The following L3MBTL4 variants were observed in gnomAD, a reference collection of about 807,000 sequenced individuals.
L3MBTL4 encodes the protein L3MBTL histone methyl-lysine binding protein 4.
A neutral mutation model predicts 84.5 loss-of-function variants in L3MBTL4; 70 were observed. The observed-to-expected ratio is 0.83, with a 90% confidence interval of 0.68 to 1.01. L3MBTL4 has a LOEUF of 1.01. L3MBTL4 is among the 50% of genes least tolerant of loss of function. The pLI, the probability that L3MBTL4 is intolerant of heterozygous loss-of-function variation, is 0.00. For synonymous variants in L3MBTL4, 274 were observed against 259.8 expected, an observed-to-expected ratio of 1.05 and a Z score of -0.52; for missense variants, 715 against 754.8, an observed-to-expected ratio of 0.95 and a Z score of 0.62.
At position 6,295,354 on chromosome 18, in the gene L3MBTL4, A is replaced by C. The variant is rs1285069280; in HGVS notation, c.127+6549T>G. Among the ~76,000 whole-genome samples, 708 of 134,920 alleles carry C rather than the reference A, an allele frequency of 5.2e-3. 1 individual carries two copies. The highest frequency in any genetic ancestry group is 8.2e-3 in the Admixed American group (108 of 13,244). The allele number at this position is 134,920 out of a possible 152,430, so 88.5% of individuals were successfully genotyped here. On this transcript the variant is annotated intron_variant, in intron 4 of 18. Coordinates refer to ENST00000317931, the MANE Select transcript of L3MBTL4 (RefSeq NM_001330559.2). ...TCTCTCTCTCTCTCTCTCTATATATATATATATATATATATATACAGCCTT... is the reference window on the plus strand; with the variant it reads ...TCTCTCTCTCTCTCTCTCTATATATCTATATATATATATATATACAGCCTT...
At chr18:6,164,742 GA>G (rs759260489) in intron 13 of L3MBTL4, among the ~76,000 whole-genome samples, 2 of 152,168 alleles carry the variant, frequency 1.3e-5, no homozygotes, top group African/African-American at 2.4e-5. Flanking sequence ...AAACAGAGCA[GA>G]AAAACCGGAA....
At chr18:5,989,720 T>A (rs1231051523) in intron 16 of L3MBTL4, among the ~76,000 whole-genome samples, 2 of 152,232 alleles carry the variant, frequency 1.3e-5, no homozygotes, top group East Asian at 3.9e-4. Context: ...AGTTATTATG[T>A]GCTCTCAGGT....
chr18:5,997,087 A>C (rs1282963927), intron 16 of L3MBTL4, among the ~76,000 whole-genome samples: 1 of 144,970 alleles, frequency 6.9e-6, no homozygotes, highest in Non-Finnish European at 1.5e-5. Flanking sequence ...TTACAATAGT[A>C]AAAACACTAC....
At chr18:6,400,547 C>G (rs546645182) in intron 1 of L3MBTL4, among the ~76,000 whole-genome samples, 24 of 152,296 alleles carry the variant, frequency 1.6e-4, no homozygotes, top group Non-Finnish European at 2.6e-4. Context: ...ATAGCTGGGA[C>G]TACAGGCGCA....
chr18:6,144,145 G>A (rs1398003493), intron 13 of L3MBTL4, among the ~76,000 whole-genome samples: 1 of 132,978 alleles, frequency 7.5e-6, no homozygotes, highest in Non-Finnish European at 1.5e-5. Flanking sequence ...GCAGTGAGCT[G>A]AGATCACACC....
chr18:6,365,991 G>T (rs988154471), intron 1 of L3MBTL4, among the ~76,000 whole-genome samples: 21 of 152,154 alleles, frequency 1.4e-4, no homozygotes, highest in African/African-American at 5.1e-4. Flanking sequence ...AGCAAACAGG[G>T]TGCACTCTGT....
At position 6,004,674 on chromosome 18, in the gene L3MBTL4, T is replaced by C. The variant is rs963068646; in HGVS notation, c.1445-35112A>G. On this transcript the variant is annotated intron_variant, in intron 16 of 18. Transcript: ENST00000317931. ...ATATCCAACGGGATATTATTTACCTTTAAAAAGGAATGAAATTCCAATATG... is the reference window on the plus strand; with the variant it reads ...ATATCCAACGGGATATTATTTACCTCTAAAAAGGAATGAAATTCCAATATG... Among the ~76,000 whole-genome samples the C allele has an allele frequency of 2.7e-5, 4 of 149,394 alleles. No individual in the cohort carries two copies. The South Asian group carries it at 8.3e-4, about 31-fold the overall frequency.
chr18:6,027,857 T>A (rs555963156), intron 16 of L3MBTL4, among the ~76,000 whole-genome samples: 1 of 152,214 alleles, frequency 6.6e-6, no homozygotes, highest in Non-Finnish European at 1.5e-5. Context: ...TCTGTTCATA[T>A]CCTTTGCCCA....
chr18:6,075,892 T>G (rs935697507), intron 16 of L3MBTL4, among the ~76,000 whole-genome samples: 1 of 152,112 alleles, frequency 6.6e-6, no homozygotes, highest in Non-Finnish European at 1.5e-5. Flanking sequence ...GAAAATATGT[T>G]CAAGCTCATT....
At chr18:6,333,345 C>A (rs186833628) in intron 1 of L3MBTL4, among the ~76,000 whole-genome samples, 1 of 151,968 alleles carries the variant, frequency 6.6e-6, no homozygotes, top group Admixed American at 6.6e-5. Flanking sequence ...GAGGCTGAGG[C>A]GGGCAGATCA....
intron 16 of L3MBTL4, among the ~76,000 whole-genome samples, chr18:6,003,102 T>TA (rs2054298871): frequency 9.8e-6 from 1 of 102,140 alleles, no homozygotes; most frequent in Non-Finnish European, 1.9e-5. Context: ...AGTATCTCTA[T>TA]TTATAGAGAT....
At chr18:6,092,731 T>G (rs549804657) in intron 15 of L3MBTL4, among the ~76,000 whole-genome samples, 1 of 152,360 alleles carries the variant, frequency 6.6e-6, no homozygotes, top group South Asian at 2.1e-4. Context: ...TTAAATTATT[T>G]TACTCATTTA....
At chr18:6,298,441 G>A (rs377500630) in intron 4 of L3MBTL4, among the ~76,000 whole-genome samples, 54 of 151,912 alleles carry the variant, frequency 3.6e-4, no homozygotes, top group South Asian at 3.5e-3. Flanking sequence ...CTATAGTTGC[G>A]GATAATCTTT....
At chr18:6,353,221 G>GTTCA (rs373717466) in intron 1 of L3MBTL4, among the ~76,000 whole-genome samples, 233 of 150,514 alleles carry the variant, frequency 1.5e-3, no homozygotes, top group African/African-American at 5.5e-3. Context: ...GCAACTCACA[G>GTTCA]TTCATACAGT....
At chr18:6,108,009 G>T (rs899274631) in intron 14 of L3MBTL4, among the ~76,000 whole-genome samples, 2 of 152,164 alleles carry the variant, frequency 1.3e-5, no homozygotes, top group Non-Finnish European at 2.9e-5. Context: ...CAACAGGAAG[G>T]AGCTGGTCTG....
At chr18:6,255,700 C>T (rs186424865) in intron 5 of L3MBTL4, among the ~76,000 whole-genome samples, 169 of 150,814 alleles carry the variant, frequency 1.1e-3, no homozygotes, top group African/African-American at 3.3e-3. Flanking sequence ...TCAAAAAATG[C>T]TTTTTTTCCC....
intron 1 of L3MBTL4, among the ~76,000 whole-genome samples, chr18:6,324,062 C>T (rs1228018964): frequency 6.6e-6 from 1 of 152,338 alleles, no homozygotes; most frequent in East Asian, 1.9e-4. Context: ...CAAAGGGGCT[C>T]ATATACAGCT....
At chr18:6,269,257 C>T (rs150334391) in intron 4 of L3MBTL4, among the ~76,000 whole-genome samples, 1,906 of 152,002 alleles carry the variant, frequency 0.013, 36 homozygotes, top group African/African-American at 0.043. Flanking sequence ...GTCAGGAGAT[C>T]GAGACCATCC....
At chr18:6,331,536 C>T (rs925521921) in intron 1 of L3MBTL4, among the ~76,000 whole-genome samples, 1 of 152,082 alleles carries the variant, frequency 6.6e-6, no homozygotes. Context: ...CACAATGAAG[C>T]TCACCAACCT....
Sources: allele counts gnomAD v4.1 joint callset (sites outside exome capture counted in the v4.1 genomes callset), GRCh38; gene constraint gnomAD v4.1.1; transcripts MANE v1.5; gene names NCBI Gene and HGNC (gene_info 2026-07-23, HGNC 2026-07-21).